The following ARSD variants were observed in gnomAD, a reference collection of about 807,000 sequenced individuals.
The protein encoded by ARSD is arylsulfatase D, also known as testis tissue sperm-binding protein Li 39a.
ARSD carries 21 observed loss-of-function variants against 32.6 expected under a neutral mutation model. The ratio of observed to expected loss-of-function variants is 0.64; its 90% CI spans 0.46 to 0.93. The LOEUF is 0.93. Among genes scored for constraint, ARSD ranks in the 40% least tolerant of loss-of-function variants. The pLI is 0.00. For missense variants in ARSD, 454 were observed against 520.9 expected, an observed-to-expected ratio of 0.87 and a Z score of 1.25; for synonymous variants, 224 against 237.4, an observed-to-expected ratio of 0.94 and a Z score of 0.52.
chrX:2,928,177 C>T (rs1254540340), intron 1 of ARSD, among the ~76,000 whole-genome samples: 3 of 109,643 alleles, frequency 2.7e-5, no homozygotes, highest in African/African-American at 3.3e-5. Flanking sequence ...GGAAGTGCAG[C>T]GGGGCATGGC....
At chrX:2,918,557 T>C (rs1256945297) in intron 4 of ARSD, among the ~76,000 whole-genome samples, 4 of 110,591 alleles carry the variant, frequency 3.6e-5, no homozygotes, top group African/African-American at 9.9e-5. Context: ...GAGACCATCC[T>C]GGCTAACACG....
At chrX:2,923,979 C>G (rs1268063707) in intron 2 of ARSD, among the ~76,000 whole-genome samples, 1 of 112,535 alleles carries the variant, frequency 8.9e-6, no homozygotes, top group Non-Finnish European at 1.9e-5. Flanking sequence ...CTGTGAATTA[C>G]AACCAGGCCT....
chrX:2,917,388 C>T (rs781307865), intron 5 of ARSD, among the ~76,000 whole-genome samples: 28 of 111,480 alleles, frequency 2.5e-4, no homozygotes, highest in African/African-American at 3.9e-4. Flanking sequence ...CCGTCTCCTC[C>T]GAGGGTTGGT....
chrX:2,908,887 C>T (rs761548019), intron 8 of ARSD, 45 bp from the exon 9 acceptor site: 1 of 1,205,964 alleles, frequency 8.3e-7, no homozygotes, highest in Non-Finnish European at 1.1e-6. Flanking sequence ...ACCACGGGTT[C>T]CCAGGCAGCC....
At chrX:2,908,940 A>G (rs1241398671) in intron 8 of ARSD, 98 bp from the exon 9 acceptor site, 1 of 1,124,452 alleles carries the variant, frequency 8.9e-7, no homozygotes, top group African/African-American at 1.8e-5. Context: ...AAGGCTCCCC[A>G]GCAAATGGAG....
At position 2,929,296 on chromosome X, in the gene ARSD, C is replaced by T; in HGVS notation, c.-21G>A. 1.0e-6 allele frequency: 1 copy of T among 981,980 alleles called. No individual in the cohort carries two copies. The highest frequency in any genetic ancestry group is 1.3e-6 in the Non-Finnish European group (1 of 784,328). 80.9% of individuals were successfully genotyped at this position (981,980 alleles called of 1,213,427 possible). A position where few individuals can be genotyped will look rare whatever the true frequency, so the allele number is the denominator to read the frequency against. ...CGCATGGCCGAGCGCTGGCCCAGAG[C>T]GCAGGACCTTGCCCTGCGCACTCCG... On this transcript the variant is annotated 5_prime_UTR_variant, in exon 1 of 10. Coordinates refer to ENST00000381154, the MANE Select transcript of ARSD (RefSeq NM_001669.4).
At chrX:2,914,507 T>TG in intron 6 of ARSD, 4 of 902,109 alleles carry the variant, frequency 4.4e-6, no homozygotes, top group Non-Finnish European at 5.6e-6. Context: ...CCCAAAATGC[T>TG]GGGATTAAAG....
rs1485376695 is a variant in ARSD at position 2,910,643 on chromosome X, G to A, written c.1135+16C>T. On this transcript the variant is annotated intron_variant, in intron 7 of 9. Coordinates refer to ENST00000381154, the MANE Select transcript of ARSD (RefSeq NM_001669.4). ...TTTGGTCGAATGCATATGTGTCCCC[G>A]ATGTCCACAACTCACCTTTGTAAAT... The A allele has an allele frequency of 7.4e-6, 9 of 1,211,101 alleles. No individual in the cohort carries two copies. The highest frequency in any genetic ancestry group is 3.5e-5 in the South Asian group (2 of 56,972).
intron 2 of ARSD, 47 bp downstream of exon 2, chrX:2,925,569 C>G: frequency 8.5e-7 from 1 of 1,169,845 alleles, no homozygotes; most frequent in Non-Finnish European, 1.1e-6. Context: ...TGCACCATTC[C>G]GTCAAACTCA....
intron 9 of ARSD, 71 bp from the exon 10 acceptor site, chrX:2,907,703 G>A (rs1262816370): frequency 1.0e-5 from 11 of 1,079,352 alleles, no homozygotes; most frequent in Admixed American, 4.2e-5. Context: ...CGCAGGTGTC[G>A]GCCCTGTGGT....
At chrX:2,920,851 A>G in intron 3 of ARSD, 128 bp from the exon 4 acceptor site, 2 of 858,853 alleles carry the variant, frequency 2.3e-6, no homozygotes, top group Non-Finnish European at 3.2e-6. Context: ...TCTATCATCC[A>G]TCTATCATGT....
Position 2,910,671 on chromosome X carries a change from C to T in ARSD, c.1123G>A (p.Gly375Arg), listed in dbSNP as rs747575791. ...GTCCACAACTCACCTTTGTAAATTC[C>T]GTTCCATCCCCCTAACTGGCTGTGT... ...DGHSQLGGWN[G>R]IYKGGKGMGG... Residue 375 changes from glycine to arginine, a missense_variant, in exon 7 of 10, where the codon GGA (glycine) becomes AGA (arginine). Gly to Arg is a moderately radical substitution (Grantham distance 125). Around this residue, in one of 3 missense-constraint regions of ARSD, gnomAD observed 4 missense variants for 21.3 expected, o/e 0.19. Transcript: ENST00000381154. 7 of 1,211,706 alleles carry T rather than the reference C, an allele frequency of 5.8e-6. No homozygotes were observed. Among genetic ancestry groups the T allele is most frequent in the South Asian group, 3.5e-5 (2 of 57,005 alleles).
chrX:2,928,503 G>A, intron 1 of ARSD, among the ~76,000 whole-genome samples: 1 of 82,593 alleles, frequency 1.2e-5, no homozygotes, highest in Admixed American at 1.3e-4. Context: ...AGGGCCGGGG[G>A]GCGGGATGGA....
chrX:2,924,241 C>T (rs1181528764), intron 2 of ARSD, among the ~76,000 whole-genome samples: 1 of 113,099 alleles, frequency 8.8e-6, no homozygotes, highest in Non-Finnish European at 1.9e-5. Context: ...GCCATGTTGC[C>T]CAAGCTGGTC....
chrX:2,909,824 G>A lies in ARSD; in HGVS notation c.1291C>T (p.Gln431Ter), dbSNP rs1337418339. The change falls in exon 8 of 10, where the codon CAG becomes TAG. Residue 431 changes from glutamine to a stop codon, truncating the protein, a stop_gained. Coordinates refer to ENST00000381154, the MANE Select transcript of ARSD (RefSeq NM_001669.4). LOFTEE classifies it high-confidence loss of function. ...AGCCTTATCTCCACGTACCTGTCCTGGGGCACCTCGCCACCCACCAGCTGG... is the reference window on the plus strand; with the variant it reads ...AGCCTTATCTCCACGTACCTGTCCTAGGGCACCTCGCCACCCACCAGCTGG... ...VVQLVGGEVPQDRVIDGHSLV... is the reference protein window; with the variant it reads ...VVQLVGGEVP The A allele has an allele frequency of 8.3e-7, 1 of 1,206,790 alleles. No homozygotes were observed.
At position 2,908,830 on chromosome X, in the gene ARSD, G is replaced by T. The variant is rs1440877806; in HGVS notation, c.1311C>A (p.Gly437=). The T allele has an allele frequency of 4.1e-6, 5 of 1,208,791 alleles. No homozygotes were observed. Among genetic ancestry groups the T allele is most frequent in the Non-Finnish European group, 5.6e-6 (5 of 894,867 alleles). ...GEVPQDRVID[G]HSLVPLLQGA... ...CCTGCAGCAAGGGTACCAGGCTGTG[G>T]CCATCAATCACCCTGATTTCATGAA... Residue 437 remains glycine (G), a synonymous_variant, in exon 9 of 10, where the codon GGC becomes GGA. Transcript: ENST00000381154.
intron 3 of ARSD, 34 bp from the exon 4 acceptor site, chrX:2,920,757 T>C (rs2089021304): frequency 8.3e-7 from 1 of 1,200,165 alleles, no homozygotes; most frequent in African/African-American, 1.8e-5. Context: ...GAATTTACTT[T>C]CCTTTCTCTA....
Position 2,910,776 on chromosome X carries a change from T to A in ARSD, c.1018A>T (p.Ile340Phe), listed in dbSNP as rs2088895059. ...GAGTTCTTTAAACCATTGTCTTCGA[T>A]GGCATTAAGAACCTTACCTTTACAG... Reference protein sequence around the residue: ...DWLIGKVLNAIEDNGLKNSTF... With the variant: ...DWLIGKVLNAFEDNGLKNSTF... The change falls in exon 7 of 10, where the codon ATC (isoleucine) becomes TTC (phenylalanine). Residue 340 changes from isoleucine to phenylalanine, a missense_variant. Ile to Phe is a conservative substitution (Grantham distance 21). Transcript: ENST00000381154. 1 of 1,209,736 alleles carries A rather than the reference T, an allele frequency of 8.3e-7. No homozygotes were observed. The highest frequency in any genetic ancestry group is 1.1e-6 in the Non-Finnish European group (1 of 895,037).
At position 2,909,987 on chromosome X, in the gene ARSD, T is replaced by G; in HGVS notation, c.1136-8A>C. On this transcript the variant is annotated splice_polypyrimidine_tract_variant and splice_region_variant and intron_variant, in intron 7 of 9. Coordinates refer to ENST00000381154, the MANE Select transcript of ARSD (RefSeq NM_001669.4). ...CTCCCATGCCCTTCCCACCTGTAAG[T>G]AGAAGACATCGTTAGGATTTTGCCG... 3 of 1,210,221 alleles carry G rather than the reference T, an allele frequency of 2.5e-6. No homozygotes were observed. Among genetic ancestry groups the G allele is most frequent in the African/African-American group, 1.7e-5 (1 of 57,641 alleles).
Sources: allele counts gnomAD v4.1 joint callset (sites outside exome capture counted in the v4.1 genomes callset), GRCh38; gene constraint gnomAD v4.1.1; regional missense constraint gnomAD v4.1.1; transcripts MANE v1.5; gene names NCBI Gene and HGNC (gene_info 2026-07-23, HGNC 2026-07-21).